The following ARF1 variants were observed in gnomAD, a reference collection of about 807,000 sequenced individuals.
ARF1 encodes ARF GTPase 1, also known as ADP-ribosylation factor 1.
A neutral mutation model predicts 18.0 loss-of-function variants in ARF1; 1 was observed. The ratio of observed to expected loss-of-function variants is 0.06; its 90% CI spans 0.02 to 0.26. ARF1 has a LOEUF of 0.26. Among genes scored for constraint, ARF1 ranks in the 10% least tolerant of loss-of-function variants. The pLI is 1.00. For missense variants in ARF1, 73 were observed against 247.2 expected (o/e 0.30, Z 4.73); for synonymous variants, 112 against 96.3 (o/e 1.16, Z -0.95).
chr1:228,086,183 A>G (rs1373660999), intron 1 of ARF1, among the ~76,000 whole-genome samples: 1 of 152,150 alleles, frequency 6.6e-6, no homozygotes, highest in African/African-American at 2.4e-5. Flanking sequence ...CATTTGTACA[A>G]AGGAATGTTC....
Position 228,097,044 on chromosome 1 carries a change from A to C in ARF1, c.-37-34A>C. 1 of 1,529,660 alleles carries C rather than the reference A, an allele frequency of 6.5e-7. No individual in the cohort carries two copies. The highest frequency in any genetic ancestry group is 8.8e-7 in the Non-Finnish European group (1 of 1,134,608). 94.8% of individuals were successfully genotyped at this position (1,529,660 alleles called of 1,614,324 possible). On this transcript the variant is annotated intron_variant, in intron 1 of 4. Coordinates refer to ENST00000272102, the MANE Select transcript of ARF1 (RefSeq NM_001658.4). This position sits in a 1 kb window ranked among gnomAD's most constrained non-coding sequence, Gnocchi z 8.1. Reference sequence around the variant, plus strand: ...TTCTGAGCAACCACTGCTGGGCAGCACAGAACCAGACATGGAGCACCTTGT... The same window carrying C: ...TTCTGAGCAACCACTGCTGGGCAGCCCAGAACCAGACATGGAGCACCTTGT...
intron 1 of ARF1, among the ~76,000 whole-genome samples, chr1:228,091,531 G>T (rs1437171395): frequency 6.6e-6 from 1 of 152,158 alleles, no homozygotes; most frequent in Non-Finnish European, 1.5e-5. Flanking sequence ...CCATCCTTTT[G>T]TCTCAATCTG....
chr1:228,092,828 T>C (rs2032616038), intron 1 of ARF1, among the ~76,000 whole-genome samples: 1 of 152,194 alleles, frequency 6.6e-6, no homozygotes, highest in African/African-American at 2.4e-5. Flanking sequence ...GATCCATTCA[T>C]GGACACAAAA....
chr1:228,095,272 G>C (rs1219827094), intron 1 of ARF1, among the ~76,000 whole-genome samples: 2 of 141,120 alleles, frequency 1.4e-5, no homozygotes, highest in Non-Finnish European at 3.0e-5. Context: ...AGACAGGCCT[G>C]TCTCTTGGTG....
chr1:228,087,077 G>A (rs192070666), intron 1 of ARF1, among the ~76,000 whole-genome samples: 1 of 152,164 alleles, frequency 6.6e-6, no homozygotes, highest in Non-Finnish European at 1.5e-5. Context: ...AGTATATTTT[G>A]AAAGCCTTCT....
chr1:228,094,643 C>G (rs959890643), intron 1 of ARF1, among the ~76,000 whole-genome samples: 19 of 152,126 alleles, frequency 1.2e-4, no homozygotes, highest in African/African-American at 4.6e-4. Context: ...GGCTGCTGCT[C>G]TCTCTCCACG....
At chr1:228,091,575 C>T (rs1053546355) in intron 1 of ARF1, among the ~76,000 whole-genome samples, 5 of 152,152 alleles carry the variant, frequency 3.3e-5, no homozygotes, top group Non-Finnish European at 5.9e-5. Flanking sequence ...TGATTGGGTG[C>T]GTGGAGTGTC....
intron 1 of ARF1, among the ~76,000 whole-genome samples, chr1:228,093,004 C>T (rs1236988689): frequency 1.3e-5 from 2 of 152,154 alleles, no homozygotes; most frequent in Non-Finnish European, 2.9e-5. Context: ...AAACATTCTT[C>T]CTAAAAGACT....
At position 228,088,631 on chromosome 1, in the gene ARF1, G is replaced by A. The variant is rs148909619; in HGVS notation, c.-38+5866G>A. 6.6e-3 allele frequency among the ~76,000 whole-genome samples: 1,010 copies of A among 152,328 alleles called. 12 individuals carry two copies. The highest frequency in any genetic ancestry group is 7.4e-3 in the Non-Finnish European group (506 of 68,046). On this transcript the variant is annotated intron_variant, in intron 1 of 4. Coordinates refer to ENST00000272102, the MANE Select transcript of ARF1 (RefSeq NM_001658.4). ...ATTGTTCTCTTCAGAATCACAGCAA[G>A]AATTCAGTTTCCAGAAGGAAAAGCT...
chr1:228,085,033 C>T (rs2032349714), intron 1 of ARF1, among the ~76,000 whole-genome samples: 1 of 152,206 alleles, frequency 6.6e-6, no homozygotes, highest in Non-Finnish European at 1.5e-5. Flanking sequence ...GACCTTTCAC[C>T]TCCGTAAATT....
chr1:228,097,097 T>G lies in ARF1; in HGVS notation c.-18T>G. ...CTCCAGGTGTCCCTGGCCAGTGTCC[T>G]TCCACCTGTCCACAAGCATGGGGAA... is the stretch of plus-strand genomic sequence containing the variant. On this transcript the variant is annotated 5_prime_UTR_variant, in exon 2 of 5. Coordinates refer to ENST00000272102, the MANE Select transcript of ARF1 (RefSeq NM_001658.4). The surrounding 1 kb of genome is among the most constrained non-coding windows in gnomAD (Gnocchi z 8.1). 2 of 1,585,776 alleles carry G rather than the reference T, an allele frequency of 1.3e-6. No homozygotes were observed. The highest frequency in any genetic ancestry group is 1.7e-6 in the Non-Finnish European group (2 of 1,165,480).
chr1:228,091,204 A>G (rs2032565499), intron 1 of ARF1: 1 of 152,200 alleles, frequency 6.6e-6, no homozygotes, highest in African/African-American at 2.4e-5. Context: ...TCAGTACACA[A>G]ACTGATTTAA....
rs570857367 is a variant in ARF1 at position 228,095,831 on chromosome 1, G to A, written c.-37-1247G>A. Among the ~76,000 whole-genome samples, 181 of 152,334 alleles carry A rather than the reference G, an allele frequency of 1.2e-3. 1 individual carries two copies. Among genetic ancestry groups the A allele is most frequent in the African/African-American group, 3.9e-3 (164 of 41,576 alleles). ...ATTCAGTCTCTTCTGTGCTCCATGGGTGGTGGTCTTCCTCTGGGCTTAGAA... is the reference window on the plus strand; with the variant it reads ...ATTCAGTCTCTTCTGTGCTCCATGGATGGTGGTCTTCCTCTGGGCTTAGAA... On this transcript the variant is annotated intron_variant, in intron 1 of 4. Coordinates refer to ENST00000272102, the MANE Select transcript of ARF1 (RefSeq NM_001658.4).
chr1:228,088,941 G>A lies in ARF1; in HGVS notation c.-38+6176G>A, dbSNP rs577182995. On this transcript the variant is annotated intron_variant, in intron 1 of 4. Transcript: ENST00000272102. The stretch of plus-strand genomic sequence containing the variant: ...GTGGACCAAGGCAGCCTATTGCAAG[G>A]ACCTGATCGGGCGGCAGCCGTGGGG... 2.5e-3 allele frequency among the ~76,000 whole-genome samples: 379 copies of A among 152,312 alleles called. 3 individuals carry two copies. Among genetic ancestry groups the A allele is most frequent in the African/African-American group, 6.8e-3 (282 of 41,558 alleles).
At chr1:228,084,087 A>T (rs754746916) in intron 1 of ARF1, among the ~76,000 whole-genome samples, 2 of 152,266 alleles carry the variant, frequency 1.3e-5, no homozygotes, top group East Asian at 3.9e-4. Context: ...GGAGTGTGAG[A>T]TGCCGCGGTG....
intron 1 of ARF1, among the ~76,000 whole-genome samples, chr1:228,085,107 C>T (rs1195591649): frequency 6.6e-6 from 1 of 152,242 alleles, no homozygotes; most frequent in Non-Finnish European, 1.5e-5. Context: ...ACGAAAAGGC[C>T]TCGCAGTGGG....
chr1:228,085,594 G>A (rs1254474740), intron 1 of ARF1, among the ~76,000 whole-genome samples: 1 of 152,240 alleles, frequency 6.6e-6, no homozygotes, highest in Non-Finnish European at 1.5e-5. Context: ...GCAGCCGGTT[G>A]TCAGCCAACA....
intron 1 of ARF1, among the ~76,000 whole-genome samples, chr1:228,095,305 C>T (rs919541760): frequency 2.2e-4 from 33 of 151,976 alleles, no homozygotes; most frequent in African/African-American, 7.5e-4. Flanking sequence ...GGGCGGAGCT[C>T]CAGTTGCTTG....
intron 1 of ARF1, among the ~76,000 whole-genome samples, chr1:228,088,706 G>T (rs2032480738): frequency 6.6e-6 from 1 of 152,146 alleles, no homozygotes; most frequent in Admixed American, 6.5e-5. Flanking sequence ...GGTGGTGTCA[G>T]TGCATGAGCA....
Sources: allele counts gnomAD v4.1 joint callset (sites outside exome capture counted in the v4.1 genomes callset), GRCh38; gene constraint gnomAD v4.1.1; non-coding constraint Gnocchi (gnomAD v3.1); transcripts MANE v1.5; gene names NCBI Gene and HGNC (gene_info 2026-07-23, HGNC 2026-07-21).